The following BMAL1 variants were observed in gnomAD, a reference collection of about 807,000 sequenced individuals.
The protein encoded by BMAL1 is basic helix-loop-helix ARNT like 1, also known as basic helix-loop-helix ARNT-like protein 1.
At chr11:13,336,125 T>C in the BMAL1 span, among the ~76,000 whole-genome samples, 4 of 152,220 alleles carry the variant, frequency 2.6e-5, no homozygotes, top group African/African-American at 9.6e-5. Context: ...TACATAAGGA[T>C]ATGTAGTAGA....
chr11:13,300,141 A>G, the BMAL1 span, among the ~76,000 whole-genome samples: 2 of 151,930 alleles, frequency 1.3e-5, no homozygotes, highest in African/African-American at 2.4e-5. Context: ...GCCCTTTTCC[A>G]TGGGCCCCTC....
the BMAL1 span, among the ~76,000 whole-genome samples, chr11:13,307,100 C>G: frequency 6.6e-6 from 1 of 152,190 alleles, no homozygotes; most frequent in Non-Finnish European, 1.5e-5. Context: ...CGTCTGCCCA[C>G]CCCTGTTGGG....
chr11:13,324,104 T>C, the BMAL1 span, among the ~76,000 whole-genome samples: 1 of 144,374 alleles, frequency 6.9e-6, no homozygotes, highest in Non-Finnish European at 1.5e-5. Flanking sequence ...ATTATTAGTT[T>C]GTTTCTTTAT....
the BMAL1 span, among the ~76,000 whole-genome samples, chr11:13,350,539 C>T: frequency 6.6e-6 from 1 of 152,060 alleles, no homozygotes; most frequent in South Asian, 2.1e-4. Context: ...CAGTATAGTA[C>T]TGTGATGGAA....
the BMAL1 span, among the ~76,000 whole-genome samples, chr11:13,347,025 A>G: frequency 1.3e-5 from 2 of 152,218 alleles, no homozygotes; most frequent in South Asian, 2.1e-4. Context: ...TTGGTCAGAA[A>G]ACAGTTTTCC....
the BMAL1 span, among the ~76,000 whole-genome samples, chr11:13,341,723 C>A: frequency 6.6e-6 from 1 of 152,240 alleles, no homozygotes; most frequent in Non-Finnish European, 1.5e-5. Flanking sequence ...GTCTGTAGAA[C>A]CAGGCTCTCT....
the BMAL1 span, among the ~76,000 whole-genome samples, chr11:13,366,985 C>A: frequency 1.3e-5 from 2 of 152,180 alleles, no homozygotes; most frequent in Non-Finnish European, 2.9e-5. Flanking sequence ...AGAAAAAAAT[C>A]TCAATGTCCA....
the BMAL1 span, among the ~76,000 whole-genome samples, chr11:13,332,184 A>G: frequency 2.0e-5 from 3 of 152,226 alleles, no homozygotes; most frequent in African/African-American, 7.2e-5. Flanking sequence ...GCTGGGATCC[A>G]AAGCTGAAGC....
At chr11:13,377,730 A>G in the BMAL1 span, among the ~76,000 whole-genome samples, 6 of 152,196 alleles carry the variant, frequency 3.9e-5, no homozygotes, top group African/African-American at 1.4e-4. Flanking sequence ...AGTTTCATCT[A>G]TCATGCTCTC....
At chr11:13,309,159 ACT>A in the BMAL1 span, among the ~76,000 whole-genome samples, 2 of 152,122 alleles carry the variant, frequency 1.3e-5, no homozygotes, top group Non-Finnish European at 2.9e-5. Context: ...CCCATCATGA[ACT>A]TGGTCTGGGA....
the BMAL1 span, among the ~76,000 whole-genome samples, chr11:13,374,939 C>G: frequency 1.3e-5 from 2 of 152,204 alleles, no homozygotes; most frequent in African/African-American, 2.4e-5. Flanking sequence ...CTGCAGAGGC[C>G]TGTGCTCCAG....
the BMAL1 span, among the ~76,000 whole-genome samples, chr11:13,283,022 A>C: frequency 1.3e-5 from 2 of 152,204 alleles, no homozygotes; most frequent in Admixed American, 6.5e-5. Flanking sequence ...TTGGGGACTT[A>C]ACCTCAGGGG....
At chr11:13,342,971 A>C in the BMAL1 span, among the ~76,000 whole-genome samples, 1 of 152,242 alleles carries the variant, frequency 6.6e-6, no homozygotes, top group East Asian at 1.9e-4. Context: ...TAATGGGAAG[A>C]TAATAATGAC....
chr11:13,314,970 C>A, the BMAL1 span, among the ~76,000 whole-genome samples: 6 of 152,220 alleles, frequency 3.9e-5, no homozygotes, highest in Admixed American at 2.6e-4. Flanking sequence ...TATAAACTCT[C>A]CTGTTTTCAT....
At chr11:13,385,875 G>C in the BMAL1 span, 39 of 1,023,418 alleles carry the variant, frequency 3.8e-5, no homozygotes, top group Non-Finnish European at 5.8e-5. Context: ...TGAACTGTGT[G>C]AAACAAGCTA....
chr11:13,296,913 G>T, the BMAL1 span, among the ~76,000 whole-genome samples: 1 of 152,170 alleles, frequency 6.6e-6, no homozygotes, highest in Non-Finnish European at 1.5e-5. Flanking sequence ...GGCAGCTCCT[G>T]CACCGTCCTC....
chr11:13,365,003 T>C, the BMAL1 span, among the ~76,000 whole-genome samples: 1 of 152,020 alleles, frequency 6.6e-6, no homozygotes, highest in Non-Finnish European at 1.5e-5. Flanking sequence ...AAAACACTGC[T>C]CCGAATGTTG....
At chr11:13,295,493 T>A in the BMAL1 span, among the ~76,000 whole-genome samples, 1 of 152,106 alleles carries the variant, frequency 6.6e-6, no homozygotes, top group African/African-American at 2.4e-5. Context: ...TCTGGCTCCT[T>A]CTGTGTCCTC....
the BMAL1 span, among the ~76,000 whole-genome samples, chr11:13,324,975 C>T: frequency 6.6e-6 from 1 of 152,142 alleles, no homozygotes. Flanking sequence ...CTGTGAAAAT[C>T]GTCCAGGAAA....
Sources: allele counts gnomAD v4.1 joint callset (sites outside exome capture counted in the v4.1 genomes callset), GRCh38; gene constraint gnomAD v4.1.1; transcripts MANE v1.5; gene names NCBI Gene and HGNC (gene_info 2026-07-23, HGNC 2026-07-21).